Variants in NKAIN2 observed in about 807,000 individuals in gnomAD.
NKAIN2 encodes sodium/potassium-transporting ATPase subunit beta-1-interacting protein 2.
NKAIN2 carries 14 observed loss-of-function variants against 32.6 expected under a neutral mutation model. The ratio of observed to expected loss-of-function variants is 0.43; its 90% CI spans 0.28 to 0.67. NKAIN2 has a LOEUF of 0.67. Ranked by LOEUF, NKAIN2 falls within the 30% of genes least tolerant of loss-of-function variation. The pLI is 0.17. For missense variants in NKAIN2, 198 were observed against 258.3 expected, an observed-to-expected ratio of 0.77 and a Z score of 1.60; for synonymous variants, 80 against 87.2, an observed-to-expected ratio of 0.92 and a Z score of 0.46.
chr6:124,073,726 G>T (rs1783561543), intron 1 of NKAIN2, among the ~76,000 whole-genome samples: 1 of 151,980 alleles, frequency 6.6e-6, no homozygotes, highest in Non-Finnish European at 1.5e-5. Context: ...GAACCTCATG[G>T]CCATAGGAGC....
intron 2 of NKAIN2, among the ~76,000 whole-genome samples, chr6:124,331,599 G>T (rs1019812028): frequency 1.3e-5 from 2 of 151,688 alleles, no homozygotes; most frequent in Admixed American, 6.6e-5. Context: ...AATAAATAGG[G>T]CTCAGGATTT....
chr6:124,215,254 AC>A (rs1562427135), intron 1 of NKAIN2, among the ~76,000 whole-genome samples: 1 of 152,158 alleles, frequency 6.6e-6, no homozygotes, highest in Non-Finnish European at 1.5e-5. Context: ...ATGTAGCCAA[AC>A]TAGGTGAAAA....
intron 1 of NKAIN2, among the ~76,000 whole-genome samples, chr6:124,042,961 C>T (rs1781941518): frequency 6.6e-6 from 1 of 151,976 alleles, no homozygotes; most frequent in South Asian, 2.1e-4. Context: ...AAATAACTTG[C>T]ATTGACATAT....
intron 1 of NKAIN2, among the ~76,000 whole-genome samples, chr6:124,025,616 T>A (rs1181660538): frequency 6.6e-6 from 1 of 152,208 alleles, no homozygotes; most frequent in East Asian, 1.9e-4. Flanking sequence ...GTATCTATTG[T>A]GCATCATGAT....
At chr6:123,958,109 GA>G (rs1777681779) in intron 1 of NKAIN2, among the ~76,000 whole-genome samples, 1 of 152,120 alleles carries the variant, frequency 6.6e-6, no homozygotes, top group Non-Finnish European at 1.5e-5. Flanking sequence ...TGAAAAGGCA[GA>G]AAGAAGAGCA....
intron 3 of NKAIN2, among the ~76,000 whole-genome samples, chr6:124,428,693 T>C (rs932952353): frequency 1.3e-5 from 2 of 152,188 alleles, no homozygotes; most frequent in African/African-American, 2.4e-5. Context: ...CAATATCTTT[T>C]CTCTGGAAAA....
chr6:124,034,524 T>TTA (rs1177762629), intron 1 of NKAIN2, among the ~76,000 whole-genome samples: 1 of 152,074 alleles, frequency 6.6e-6, no homozygotes, highest in Non-Finnish European at 1.5e-5. Context: ...CTACCATTAA[T>TTA]GGGCACATAG....
chr6:124,285,907 G>C (rs1795516885), intron 2 of NKAIN2, among the ~76,000 whole-genome samples: 1 of 151,872 alleles, frequency 6.6e-6, no homozygotes, highest in Non-Finnish European at 1.5e-5. Flanking sequence ...GAAATCATAA[G>C]GAAAATATAT....
At chr6:123,997,066 T>C (rs1026590185) in intron 1 of NKAIN2, among the ~76,000 whole-genome samples, 2 of 152,254 alleles carry the variant, frequency 1.3e-5, no homozygotes, top group African/African-American at 2.4e-5. Context: ...GTATATCTTA[T>C]GTGTAACAAC....
chr6:123,868,251 T>A (rs1772683583), intron 1 of NKAIN2, among the ~76,000 whole-genome samples: 1 of 152,184 alleles, frequency 6.6e-6, no homozygotes, highest in Non-Finnish European at 1.5e-5. Flanking sequence ...GTCATATGCA[T>A]GTCTAACCCA....
intron 1 of NKAIN2, among the ~76,000 whole-genome samples, chr6:123,845,669 G>A (rs1775058392): frequency 6.6e-6 from 1 of 152,170 alleles, no homozygotes. Context: ...TTTTATATAT[G>A]TGGGTTTTGT....
chr6:124,132,905 G>A (rs1257949179), intron 1 of NKAIN2, among the ~76,000 whole-genome samples: 2 of 152,192 alleles, frequency 1.3e-5, no homozygotes, highest in Non-Finnish European at 2.9e-5. Context: ...TAGGGGAAGG[G>A]GGAGAGCACA....
intron 1 of NKAIN2, among the ~76,000 whole-genome samples, chr6:124,036,843 C>T (rs1161476058): frequency 6.6e-6 from 1 of 152,112 alleles, no homozygotes; most frequent in Non-Finnish European, 1.5e-5. Context: ...AAGCAGCTTT[C>T]ATTTATTTTC....
At chr6:124,774,276 A>G (rs1005893491) in intron 4 of NKAIN2, among the ~76,000 whole-genome samples, 1 of 152,116 alleles carries the variant, frequency 6.6e-6, no homozygotes, top group African/African-American at 2.4e-5. Context: ...TCAGATTCTG[A>G]GTATACCTTG....
intron 3 of NKAIN2, among the ~76,000 whole-genome samples, chr6:124,538,430 A>G (rs1350936175): frequency 6.6e-6 from 1 of 152,020 alleles, no homozygotes; most frequent in Non-Finnish European, 1.5e-5. Context: ...TCCGATTGGT[A>G]TTCCTTTGTA....
chr6:123,851,689 T>G (rs2114959064), intron 1 of NKAIN2, among the ~76,000 whole-genome samples: 1 of 152,346 alleles, frequency 6.6e-6, no homozygotes, highest in East Asian at 1.9e-4. Context: ...ATTTATCTGA[T>G]GATTAGTGAT....
chr6:124,799,942 G>A (rs1780177982), intron 5 of NKAIN2, among the ~76,000 whole-genome samples: 1 of 152,136 alleles, frequency 6.6e-6, no homozygotes, highest in Non-Finnish European at 1.5e-5. Context: ...AATGGCATGA[G>A]AAAGAAAGCA....
chr6:124,291,915 G>C (rs1232858201), intron 2 of NKAIN2, among the ~76,000 whole-genome samples: 1 of 151,820 alleles, frequency 6.6e-6, no homozygotes, highest in Non-Finnish European at 1.5e-5. Context: ...TCTATTGTCA[G>C]TTTATTTCAG....
chr6:124,243,987 A>G (rs1231154297), intron 1 of NKAIN2, among the ~76,000 whole-genome samples: 2 of 151,966 alleles, frequency 1.3e-5, no homozygotes, highest in African/African-American at 2.4e-5. Flanking sequence ...TTTCATGGCT[A>G]TGGAGGCATT....
Sources: allele counts gnomAD v4.1 joint callset (sites outside exome capture counted in the v4.1 genomes callset), GRCh38; gene constraint gnomAD v4.1.1; transcripts MANE v1.5; gene names NCBI Gene and HGNC (gene_info 2026-07-23, HGNC 2026-07-21).